TEKT3: variants seen among roughly 807,000 people sequenced by gnomAD.
TEKT3 encodes tektin 3, also known as tektin-3.
Under a neutral mutation model 49.8 loss-of-function variants are expected in TEKT3, and 49 were observed. The ratio of observed to expected loss-of-function variants is 0.98; its 90% CI spans 0.78 to 1.25. The LOEUF (loss-of-function observed/expected upper bound fraction) is 1.25. Among genes scored for constraint, TEKT3 ranks in the 50% most tolerant of loss-of-function variants. The pLI is 0.00. For synonymous variants in TEKT3, 225 were observed against 237.2 expected (o/e 0.95, Z 0.47); for missense variants, 595 against 629.5 (o/e 0.95, Z 0.59).
chr17:15,314,577 G>A (rs1910923184), intron 5 of TEKT3, among the ~76,000 whole-genome samples: 1 of 152,206 alleles, frequency 6.6e-6, no homozygotes, highest in African/African-American at 2.4e-5. Context: ...CGGGTTCAAA[G>A]TAATCTGTCC....
rs1391252393 is a variant in TEKT3, at chr17:15,303,891, C to T, written c.*45G>A. The T allele has an allele frequency of 1.9e-6, 3 of 1,568,720 alleles. No individual in the cohort carries two copies. The highest frequency in any genetic ancestry group is 2.2e-5 in the East Asian group (1 of 44,618). Reference sequence around the variant, plus strand: ...TTCAAATGCTGAGACAGTGCTCTGGCTCAGCCTTAACTTAGGGGTATCAAA... The same window carrying T: ...TTCAAATGCTGAGACAGTGCTCTGGTTCAGCCTTAACTTAGGGGTATCAAA... On this transcript the variant is annotated 3_prime_UTR_variant, in exon 9 of 9. Transcript: ENST00000395930.
At chr17:15,313,076 C>T (rs956627685) in intron 6 of TEKT3, among the ~76,000 whole-genome samples, 14 of 152,106 alleles carry the variant, frequency 9.2e-5, no homozygotes, top group Admixed American at 2.6e-4. Context: ...CAAGGATATA[C>T]GTGTGAGGAT....
intron 7 of TEKT3, among the ~76,000 whole-genome samples, chr17:15,309,497 T>C (rs933102637): frequency 2.6e-5 from 4 of 152,216 alleles, no homozygotes; most frequent in African/African-American, 9.6e-5. Flanking sequence ...AGAGAGTCCC[T>C]GTCCTATGCT....
At position 15,304,069 on chromosome 17, in the gene TEKT3, G is replaced by A. The variant is rs771141004; in HGVS notation, c.1340C>T (p.Ser447Leu). Residue 447 changes from serine (S) to leucine (L), a missense_variant, in exon 9 of 9, where the codon TCG becomes TTG. By Grantham distance (145) the Ser-to-Leu change is moderately radical. Transcript: ENST00000395930. This position sits in a 1 kb window ranked among gnomAD's most constrained non-coding sequence, Gnocchi z 4.7. ...RLRDAEDTLQ[S>L]LVHIKATLEY... ...GAGTGTGGCTTTGATGTGGACCAGC[G>A]ACTGCAGGGTGTCCTCTGCATCCCT... 16 of 1,614,012 alleles carry A rather than the reference G, an allele frequency of 9.9e-6. 1 individual carries two copies. The highest frequency in any genetic ancestry group is 5.5e-5 in the South Asian group (5 of 91,064).
intron 3 of TEKT3, among the ~76,000 whole-genome samples, chr17:15,330,268 T>C (rs1355987877): frequency 6.6e-6 from 1 of 152,236 alleles, no homozygotes; most frequent in Non-Finnish European, 1.5e-5. Context: ...ACAGCAATGA[T>C]GAAGCAGCCT....
intron 7 of TEKT3, chr17:15,311,001 C>T (rs542822319): frequency 4.6e-5 from 7 of 152,318 alleles, no homozygotes; most frequent in East Asian, 1.9e-4. Context: ...CCACCTGGAA[C>T]GGTCACTTCT....
chr17:15,307,523 A>G (rs2150731972), intron 8 of TEKT3, among the ~76,000 whole-genome samples: 1 of 152,336 alleles, frequency 6.6e-6, no homozygotes, highest in South Asian at 2.1e-4. Context: ...TATTATTATC[A>G]TTGCATTGAT....
chr17:15,316,351 C>T (rs1911008626), intron 5 of TEKT3, among the ~76,000 whole-genome samples: 1 of 152,170 alleles, frequency 6.6e-6, no homozygotes, highest in Non-Finnish European at 1.5e-5. Context: ...CAGCCTTTTA[C>T]TTCCCATCAC....
chr17:15,308,622 T>C, intron 8 of TEKT3, 42 bp downstream of exon 8: 1 of 1,585,774 alleles, frequency 6.3e-7, no homozygotes, highest in Non-Finnish European at 8.6e-7. Context: ...GTTGGTCTGG[T>C]GGCCCTCCGA....
rs201485577 is a variant in TEKT3, at chr17:15,312,431, C to T, written c.929G>A (p.Arg310His). The change falls in exon 7 of 9, where the codon CGC becomes CAC. Residue 310 changes from arginine (R) to histidine (H), a missense_variant. Transcript: ENST00000395930. ...GGAAGCTGCCCGTTCACTCTGGGAG[C>T]GGAGAATATTGTCATCTGTAAATTT... ...WAKFTDDNIL[R>H]SQSERAASAK... is the part of the protein sequence containing the mutation. 1.7e-4 allele frequency: 274 copies of T among 1,614,026 alleles called. 1 individual carries two copies. Among genetic ancestry groups the T allele is most frequent in the Middle Eastern group, 9.9e-4 (6 of 6,060 alleles).
At chr17:15,320,461 A>G (rs748575830) in intron 4 of TEKT3, among the ~76,000 whole-genome samples, 9 of 152,130 alleles carry the variant, frequency 5.9e-5, no homozygotes, top group African/African-American at 1.4e-4. Context: ...TCTGATTTCT[A>G]TGATATCAAA....
chr17:15,314,312 G>A (rs1910908013), intron 5 of TEKT3, 82 bp from the exon 6 acceptor site: 2 of 1,563,192 alleles, frequency 1.3e-6, no homozygotes, highest in Non-Finnish European at 1.7e-6. Context: ...TTCCATATTG[G>A]GACCTCTCTC....
intron 2 of TEKT3, 70 bp from the exon 3 acceptor site, chr17:15,331,684 G>C: frequency 8.4e-7 from 1 of 1,194,496 alleles, no homozygotes. Context: ...ACAGATAAAA[G>C]GCCACATCTG....
chr17:15,305,200 G>A, intron 8 of TEKT3, among the ~76,000 whole-genome samples: 1 of 152,204 alleles, frequency 6.6e-6, no homozygotes, highest in East Asian at 1.9e-4. Flanking sequence ...GCAGGACGGA[G>A]CCTGGAGCAT....
intron 8 of TEKT3, among the ~76,000 whole-genome samples, chr17:15,305,026 G>A (rs956566047): frequency 6.6e-6 from 1 of 152,176 alleles, no homozygotes; most frequent in African/African-American, 2.4e-5. Context: ...AGCCGCTCCT[G>A]CAAAAATACA....
At position 15,308,775 on chromosome 17, in the gene TEKT3, A is replaced by G; in HGVS notation, c.1145T>C (p.Ile382Thr). 1 of 1,613,940 alleles carries G rather than the reference A, an allele frequency of 6.2e-7. No homozygotes were observed. The highest frequency in any genetic ancestry group is 1.1e-5 in the South Asian group (1 of 91,056). ...IFQTEMTIESIKKAIKDKTAF... is the reference protein window; with the variant it reads ...IFQTEMTIESTKKAIKDKTAF... Reference sequence around the variant, plus strand: ...AGTCTTGTCCTTGATGGCCTTCTTGATGGATTCTATGGTCATTTCAGTCTG... The same window carrying G: ...AGTCTTGTCCTTGATGGCCTTCTTGGTGGATTCTATGGTCATTTCAGTCTG... Residue 382 changes from isoleucine (I) to threonine (T), a missense_variant, in exon 8 of 9, where the codon ATC becomes ACC. Coordinates refer to ENST00000395930, the MANE Select transcript of TEKT3 (RefSeq NM_031898.3).
At chr17:15,339,739 A>C (rs961879412) in intron 2 of TEKT3, among the ~76,000 whole-genome samples, 5 of 152,380 alleles carry the variant, frequency 3.3e-5, no homozygotes, top group African/African-American at 1.2e-4. Flanking sequence ...TGAAGGGCTC[A>C]CATACAAACC....
intron 3 of TEKT3, among the ~76,000 whole-genome samples, chr17:15,329,729 C>T (rs578183156): frequency 3.0e-4 from 45 of 152,100 alleles, no homozygotes; most frequent in African/African-American, 1.1e-3. Flanking sequence ...CGCAGGGTGC[C>T]CCAAGAAACT....
chr17:15,305,309 T>G (rs536362789), intron 8 of TEKT3, among the ~76,000 whole-genome samples: 1 of 152,294 alleles, frequency 6.6e-6, no homozygotes, highest in South Asian at 2.1e-4. Flanking sequence ...TGGGAACATA[T>G]CCACGCTGTG....
Sources: allele counts gnomAD v4.1 joint callset (sites outside exome capture counted in the v4.1 genomes callset), GRCh38; gene constraint gnomAD v4.1.1; non-coding constraint Gnocchi (gnomAD v3.1); transcripts MANE v1.5; gene names NCBI Gene and HGNC (gene_info 2026-07-23, HGNC 2026-07-21).